ZNF705B: variants seen among roughly 807,000 people sequenced by gnomAD.
ZNF705B encodes Putative zinc finger protein 705D-like protein LOC100132396.
A neutral mutation model predicts 10.5 loss-of-function variants in ZNF705B; 1 was observed. The observed-to-expected ratio is 0.10, with a 90% confidence interval of 0.03 to 0.45. The LOEUF (loss-of-function observed/expected upper bound fraction) is 0.45, where lower values mean the gene tolerates loss of function less well. Ranked by LOEUF, ZNF705B falls within the 20% of genes least tolerant of loss-of-function variation. ZNF705B has a pLI of 0.97. For missense variants in ZNF705B, 14 were observed against 84.0 expected, an observed-to-expected ratio of 0.17 and a Z score of 3.26; for synonymous variants, 4 against 25.4, an observed-to-expected ratio of 0.16 and a Z score of 2.53.
At chr8:7,930,952 C>T (rs1459895842) in intron 2 of ZNF705B, among the ~76,000 whole-genome samples, 1 of 126,856 alleles carries the variant, frequency 7.9e-6, no homozygotes, top group Non-Finnish European at 1.9e-5. Context: ...GCCTCCTGGG[C>T]TCAAGCAATT....
At chr8:7,933,097 G>T (rs1369680962) in intron 2 of ZNF705B, among the ~76,000 whole-genome samples, 1 of 116,806 alleles carries the variant, frequency 8.6e-6, no homozygotes, top group Non-Finnish European at 2.0e-5. Flanking sequence ...TTAAAATAGG[G>T]AGATTATCTT....
chr8:7,928,866 G>T (rs186004307), intron 1 of ZNF705B, among the ~76,000 whole-genome samples: 8,656 of 101,282 alleles, frequency 0.085, 687 homozygotes, highest in African/African-American at 0.18. Context: ...AAAAAACCAA[G>T]TGCTCTCATT....
At chr8:7,937,426 C>A (rs1343323715) in intron 2 of ZNF705B, among the ~76,000 whole-genome samples, 1 of 105,638 alleles carries the variant, frequency 9.5e-6, no homozygotes, top group African/African-American at 2.7e-5. Flanking sequence ...CATGCTTCTG[C>A]CTGTGCTGTT....
At chr8:7,930,136 C>A (rs1268922338) in intron 1 of ZNF705B, among the ~76,000 whole-genome samples, 151 bp from the exon 2 acceptor site, 2 of 115,320 alleles carry the variant, frequency 1.7e-5, no homozygotes, top group Non-Finnish European at 4.1e-5. Flanking sequence ...CAACTCCTCC[C>A]TCCACCCTCT....
chr8:7,935,337 T>C lies in ZNF705B; in HGVS notation c.-72+4901T>C, dbSNP rs4118276. Among the ~76,000 whole-genome samples, 759 of 144,342 alleles carry C rather than the reference T, an allele frequency of 5.3e-3. 4 individuals carry two copies. The highest frequency in any genetic ancestry group is 0.018 in the African/African-American group (695 of 37,968). The allele number at this position is 144,342 out of a possible 152,430, so 94.7% of individuals were successfully genotyped here. ...GCTCAAAAACTATACTTGTTGAAAA[T>C]ATTGAATAGTATTTCATTTATGTCC... On this transcript the variant is annotated intron_variant, in intron 2 of 6. Coordinates refer to ENST00000400120, the MANE Select transcript of ZNF705B (RefSeq NM_001193630.1).
At chr8:7,931,150 C>T (rs1819836689) in intron 2 of ZNF705B, among the ~76,000 whole-genome samples, 1 of 121,384 alleles carries the variant, frequency 8.2e-6, no homozygotes, top group Non-Finnish European at 2.0e-5. Context: ...AGGTGGCTTT[C>T]TCAAGTGCCA....
At chr8:7,932,549 G>A (rs1047271747) in intron 2 of ZNF705B, among the ~76,000 whole-genome samples, 2 of 121,360 alleles carry the variant, frequency 1.6e-5, no homozygotes, top group Non-Finnish European at 3.9e-5. Flanking sequence ...AGAAGTAAAT[G>A]TTATATAGTG....
At chr8:7,930,557 G>A (rs1426639115) in intron 2 of ZNF705B, 121 bp downstream of exon 2, 2 of 84,496 alleles carry the variant, frequency 2.4e-5, no homozygotes, top group Non-Finnish European at 5.7e-5. Flanking sequence ...CTGCATAGCT[G>A]AGAAAAACAC....
intron 2 of ZNF705B, among the ~76,000 whole-genome samples, chr8:7,940,905 G>A (rs1419433921): frequency 4.1e-5 from 6 of 147,758 alleles, no homozygotes; most frequent in Admixed American, 2.7e-4. Flanking sequence ...TGTTCTCACC[G>A]TTCTGCTCCC....
In ZNF705B at chr8:7,931,476, C is replaced by T. The variant is rs534518425; in HGVS notation, c.-72+1040C>T. Among the ~76,000 whole-genome samples, 19 of 121,986 alleles carry T rather than the reference C, an allele frequency of 1.6e-4. 4 individuals are homozygous for T. Among genetic ancestry groups the T allele is most frequent in the Non-Finnish European group, 3.2e-4 (16 of 50,710 alleles). The allele number at this position is 121,986 out of a possible 152,430, so 80.0% of individuals were successfully genotyped here. A position where few individuals can be genotyped will look rare whatever the true frequency, so the allele number is the denominator to read the frequency against. ...CCAGCTCCCAGACAATGTGCACAGG[C>T]ACCACCAGGCTGGGTGGGCTCATAC... On this transcript the variant is annotated intron_variant, in intron 2 of 6. Transcript: ENST00000400120.
chr8:7,933,939 T>C (rs1488980107), intron 2 of ZNF705B, among the ~76,000 whole-genome samples: 3,322 of 64,106 alleles, frequency 0.052, 59 homozygotes, highest in Non-Finnish European at 0.069. Flanking sequence ...CTTTTTTTTT[T>C]TTTTTTTTTT....
intron 1 of ZNF705B, among the ~76,000 whole-genome samples, chr8:7,927,953 G>GCCTT (rs1286442727): frequency 2.9e-5 from 4 of 138,600 alleles, no homozygotes; most frequent in African/African-American, 1.0e-4. Flanking sequence ...TTTCCTCCCT[G>GCCTT]CCTTCCTTCC....
At chr8:7,936,114 T>C (rs1224612611) in intron 2 of ZNF705B, among the ~76,000 whole-genome samples, 16 of 106,162 alleles carry the variant, frequency 1.5e-4, no homozygotes, top group African/African-American at 3.7e-4. Flanking sequence ...CTCCTCTGTA[T>C]GTATATTCCA....
chr8:7,926,680 A>T lies in ZNF705B; in HGVS notation c.-222+283A>T, dbSNP rs1223974645. On this transcript the variant is annotated intron_variant, in intron 1 of 6. Transcript: ENST00000400120. ...GGAACATTTGGGAAGTGATTAAGGA[A>T]CACTGACCTTTACCCACTTGGCCCA... 1.1e-4 allele frequency among the ~76,000 whole-genome samples: 12 copies of T among 108,556 alleles called. 2 individuals are homozygous for T. The highest frequency in any genetic ancestry group is 2.8e-4 in the African/African-American group (10 of 36,220). The allele number at this position is 108,556 out of a possible 152,430, so 71.2% of individuals were successfully genotyped here.
chr8:7,936,868 A>G (rs1281086353), intron 2 of ZNF705B, among the ~76,000 whole-genome samples: 1 of 119,634 alleles, frequency 8.4e-6, no homozygotes, highest in African/African-American at 2.6e-5. Context: ...TCTAAAATAA[A>G]GGTTGAAGTT....
intron 2 of ZNF705B, among the ~76,000 whole-genome samples, chr8:7,940,365 T>A (rs1371279985): frequency 1.4e-5 from 2 of 146,424 alleles, no homozygotes; most frequent in African/African-American, 5.0e-5. Context: ...AACACATCAC[T>A]ACCATCAAGA....
chr8:7,930,850 T>TG (rs201634701), intron 2 of ZNF705B, among the ~76,000 whole-genome samples: 1,508 of 105,970 alleles, frequency 0.014, 24 homozygotes, highest in African/African-American at 0.037. Context: ...TTTTTTGTTT[T>TG]TTTTTTTGTT....
intron 2 of ZNF705B, among the ~76,000 whole-genome samples, chr8:7,941,265 ACTGT>A (rs1820155987): frequency 6.9e-6 from 1 of 145,316 alleles, no homozygotes; most frequent in African/African-American, 2.5e-5. Context: ...GAATCACCAT[ACTGT>A]CTTCCACAAT....
chr8:7,932,357 G>T (rs1819873510), intron 2 of ZNF705B, among the ~76,000 whole-genome samples: 2 of 121,022 alleles, frequency 1.7e-5, no homozygotes, highest in African/African-American at 2.5e-5. Flanking sequence ...CCTCTTTCGT[G>T]CCCTCTTCAA....
Sources: allele counts gnomAD v4.1 joint callset (sites outside exome capture counted in the v4.1 genomes callset), GRCh38; gene constraint gnomAD v4.1.1; transcripts MANE v1.5; gene names NCBI Gene and HGNC (gene_info 2026-07-23, HGNC 2026-07-21).